Variants in STARD13 observed in about 807,000 individuals in gnomAD.
STARD13 encodes the protein stAR-related lipid transfer protein 13.
Under a neutral mutation model 106.4 loss-of-function variants are expected in STARD13, and 62 were observed. The observed-to-expected ratio is 0.58, with a 90% confidence interval of 0.48 to 0.72. The LOEUF (loss-of-function observed/expected upper bound fraction) is 0.72. STARD13 is among the 30% of genes least tolerant of loss of function. STARD13 has a pLI of 0.00. For missense variants in STARD13, 1,387 were observed against 1,424.0 expected (o/e 0.97, Z 0.42); for synonymous variants, 565 against 553.0 (o/e 1.02, Z -0.31).
At chr13:33,341,347 T>A (rs181279480) in intron 1 of STARD13, among the ~76,000 whole-genome samples, 62 of 152,190 alleles carry the variant, frequency 4.1e-4, no homozygotes, top group Admixed American at 1.4e-3. Flanking sequence ...CTCAAGAAAT[T>A]TCCGTGAACG....
the STARD13 span, among the ~76,000 whole-genome samples, chr13:33,557,636 G>A: frequency 6.6e-6 from 1 of 152,134 alleles, no homozygotes; most frequent in Admixed American, 6.6e-5. Context: ...AAGGTGCTCT[G>A]TAAATGATTT....
intron 1 of STARD13, among the ~76,000 whole-genome samples, chr13:33,297,134 C>T (rs1164439690): frequency 6.6e-6 from 1 of 152,232 alleles, no homozygotes; most frequent in East Asian, 1.9e-4. Flanking sequence ...TTTATCTTTA[C>T]AGCGTGATGC....
chr13:33,143,497 G>T (rs570503567), intron 3 of STARD13, among the ~76,000 whole-genome samples: 8 of 152,136 alleles, frequency 5.3e-5, no homozygotes, highest in Non-Finnish European at 1.2e-4. Flanking sequence ...ACACACAATT[G>T]GGTTACCTAT....
At chr13:33,666,629 C>A in the STARD13 span, among the ~76,000 whole-genome samples, 1 of 151,990 alleles carries the variant, frequency 6.6e-6, no homozygotes, top group Non-Finnish European at 1.5e-5. Flanking sequence ...CGCTCTGTCA[C>A]CCAGGCTGTT....
chr13:33,219,518 C>CAAAAAAAAA (rs55933962), intron 1 of STARD13, among the ~76,000 whole-genome samples: 3 of 61,212 alleles, frequency 4.9e-5, no homozygotes, highest in African/African-American at 1.3e-4. Context: ...GACTCCTTCT[C>CAAAAAAAAA]AAAAAAAAAA....
the STARD13 span, among the ~76,000 whole-genome samples, chr13:33,580,306 C>T: frequency 6.6e-6 from 1 of 152,024 alleles, no homozygotes; most frequent in Non-Finnish European, 1.5e-5. Flanking sequence ...AAAGGCTACA[C>T]ACCATATGAT....
chr13:33,428,590 A>G, the STARD13 span, among the ~76,000 whole-genome samples: 1 of 152,130 alleles, frequency 6.6e-6, no homozygotes, highest in Non-Finnish European at 1.5e-5. Context: ...ATCATCAGAG[A>G]GGTGAAAATA....
Position 33,104,351 on chromosome 13 carries a change from C to T in STARD13, c.*1242G>A, listed in dbSNP as rs1168402554. The T allele has an allele frequency of 1.3e-5, 2 of 152,526 alleles. No homozygotes were observed. Among genetic ancestry groups the T allele is most frequent in the African/African-American group, 2.4e-5 (1 of 41,452 alleles). The allele number at this position is 152,526 out of a possible 1,614,324, so 9.4% of individuals were successfully genotyped here. A position where few individuals can be genotyped will look rare whatever the true frequency, so the allele number is the denominator to read the frequency against. Reference sequence around the variant, plus strand: ...GCTTGGACTGGCTAGTGAAGAAACACAGAAGAATTAATAAACCCGATTATA... The same window carrying T: ...GCTTGGACTGGCTAGTGAAGAAACATAGAAGAATTAATAAACCCGATTATA... On this transcript the variant is annotated 3_prime_UTR_variant, in exon 14 of 14. Transcript: ENST00000336934.
intron 1 of STARD13, among the ~76,000 whole-genome samples, chr13:33,265,286 T>C (rs925988549): frequency 1.3e-5 from 2 of 152,046 alleles, no homozygotes; most frequent in Non-Finnish European, 2.9e-5. Flanking sequence ...GAGGCAAATA[T>C]GTGCAATTTC....
chr13:33,255,463 G>A (rs1251837190), intron 1 of STARD13, among the ~76,000 whole-genome samples: 3 of 151,990 alleles, frequency 2.0e-5, no homozygotes, highest in African/African-American at 4.8e-5. Context: ...ACACCCTGTT[G>A]CCATCAACCA....
At chr13:33,145,211 C>A (rs376129084) in intron 3 of STARD13, among the ~76,000 whole-genome samples, 1 of 152,146 alleles carries the variant, frequency 6.6e-6, no homozygotes, top group African/African-American at 2.4e-5. Context: ...TTCAAATGGG[C>A]AGAATATTCA....
chr13:33,523,424 A>G, the STARD13 span, among the ~76,000 whole-genome samples: 2 of 152,104 alleles, frequency 1.3e-5, no homozygotes, highest in South Asian at 2.1e-4. Flanking sequence ...TTTGCCTTTC[A>G]TATTTATTTG....
chr13:33,465,037 T>C, the STARD13 span, among the ~76,000 whole-genome samples: 7 of 152,216 alleles, frequency 4.6e-5, no homozygotes, highest in Admixed American at 3.9e-4. Context: ...TCAGTTCATA[T>C]AGCCAATGTA....
chr13:33,550,360 A>G, the STARD13 span, among the ~76,000 whole-genome samples: 9 of 152,206 alleles, frequency 5.9e-5, no homozygotes, highest in Non-Finnish European at 4.4e-5. Flanking sequence ...TTCTTTATGC[A>G]TGCGTGCTGC....
chr13:33,355,280 AT>A (rs2078114328), upstream of STARD13: 1 of 152,062 alleles, frequency 6.6e-6, no homozygotes, highest in South Asian at 2.1e-4. Flanking sequence ...ATTCCATTAC[AT>A]TTTTATCCCT....
chr13:33,560,458 A>C, the STARD13 span, among the ~76,000 whole-genome samples: 1 of 151,398 alleles, frequency 6.6e-6, no homozygotes, highest in Non-Finnish European at 1.5e-5. Context: ...TCCCCTTTTC[A>C]ACAGAATCTA....
At chr13:33,351,393 ACT>A (rs1359952351), upstream of STARD13, among the ~76,000 whole-genome samples, 5 of 152,162 alleles carry the variant, frequency 3.3e-5, no homozygotes, top group Non-Finnish European at 5.9e-5. Flanking sequence ...TTAGAAATTA[ACT>A]CTGATTCCTG....
chr13:33,614,432 G>C, the STARD13 span, among the ~76,000 whole-genome samples: 1 of 152,106 alleles, frequency 6.6e-6, no homozygotes, highest in Non-Finnish European at 1.5e-5. Flanking sequence ...GACCCTACTT[G>C]CATTTTCAGC....
intron 1 of STARD13, among the ~76,000 whole-genome samples, chr13:33,343,036 C>T (rs1418014288): frequency 6.6e-6 from 1 of 152,140 alleles, no homozygotes; most frequent in East Asian, 1.9e-4. Context: ...ATATCTCTGG[C>T]TCTGACTTTC....
Sources: allele counts gnomAD v4.1 joint callset (sites outside exome capture counted in the v4.1 genomes callset), GRCh38; gene constraint gnomAD v4.1.1; transcripts MANE v1.5; gene names NCBI Gene and HGNC (gene_info 2026-07-23, HGNC 2026-07-21).